S100Z: variants seen among roughly 807,000 people sequenced by gnomAD.
The protein encoded by S100Z is protein S100-Z.
S100Z carries 11 observed loss-of-function variants against 8.5 expected under a neutral mutation model. The observed-to-expected ratio is 1.30, with a 90% CI of 0.82 to 2.15. S100Z has a LOEUF of 2.15. Among genes scored for constraint, S100Z ranks in the 30% most tolerant of loss-of-function variants. The pLI is 0.00. For missense variants in S100Z, 126 were observed against 117.9 expected (o/e 1.07, Z -0.32); for synonymous variants, 34 against 43.8 (o/e 0.78, Z 0.89).
chr5:76,880,041 T>A (rs941586400), intron 4 of S100Z, among the ~76,000 whole-genome samples: 1 of 151,954 alleles, frequency 6.6e-6, no homozygotes, highest in Non-Finnish European at 1.5e-5. Flanking sequence ...TTCTTATAGG[T>A]TTTGGGATAG....
chr5:76,893,839 C>A (rs1390690887), intron 4 of S100Z, among the ~76,000 whole-genome samples: 1 of 152,168 alleles, frequency 6.6e-6, no homozygotes. Context: ...ACTAAGGGTG[C>A]ACCCTGGGTT....
the S100Z span, among the ~76,000 whole-genome samples, chr5:76,937,508 C>A: frequency 1.3e-5 from 2 of 151,950 alleles, no homozygotes; most frequent in Non-Finnish European, 2.9e-5. Flanking sequence ...ATAATCCCAG[C>A]ACTTTGGCAG....
intron 1 of S100Z, among the ~76,000 whole-genome samples, chr5:76,868,562 G>A (rs1444453440): frequency 1.3e-5 from 2 of 150,912 alleles, no homozygotes; most frequent in Non-Finnish European, 2.9e-5. Flanking sequence ...TGATTTTAGT[G>A]CATCTATAAC....
rs184989158 is a variant in S100Z, at chr5:76,916,780, A to G, written c.*3-3937A>G. On this transcript the variant is annotated intron_variant, in intron 4 of 4. Coordinates refer to ENST00000317593, the MANE Select transcript of S100Z (RefSeq NM_130772.4). ...ATATCAAAATTTGTAAGATACTGCT[A>G]AAGAAGTCTTGAGAGGCAAAGTTAT... Among the ~76,000 whole-genome samples, 861 of 152,332 alleles carry G rather than the reference A, an allele frequency of 5.7e-3. 2 individuals are homozygous for G. The highest frequency in any genetic ancestry group is 0.01 in the South Asian group (49 of 4,832).
intron 1 of S100Z, among the ~76,000 whole-genome samples, chr5:76,851,250 G>A (rs1263565251): frequency 1.3e-5 from 2 of 152,228 alleles, no homozygotes; most frequent in African/African-American, 4.8e-5. Context: ...GTGCAGAGGG[G>A]ATGGGTGGGC....
At chr5:76,862,523 G>T (rs1751089788) in intron 1 of S100Z, among the ~76,000 whole-genome samples, 1 of 152,046 alleles carries the variant, frequency 6.6e-6, no homozygotes, top group Admixed American at 6.6e-5. Context: ...GAGCCACCAG[G>T]TGCGGTGGCT....
the S100Z span, among the ~76,000 whole-genome samples, chr5:76,935,371 CATT>C: frequency 1.3e-5 from 2 of 152,190 alleles, no homozygotes; most frequent in Non-Finnish European, 2.9e-5. Context: ...TTTGACACAT[CATT>C]GAGATTAATT....
chr5:76,873,389 C>T (rs1743075967), intron 2 of S100Z, among the ~76,000 whole-genome samples: 1 of 150,454 alleles, frequency 6.6e-6, no homozygotes, highest in African/African-American at 2.5e-5. Context: ...CTCATTGCAA[C>T]CTCCACCTCC....
chr5:76,892,339 C>G (rs2150662151), intron 4 of S100Z, among the ~76,000 whole-genome samples: 1 of 152,256 alleles, frequency 6.6e-6, no homozygotes, highest in South Asian at 2.1e-4. Flanking sequence ...CTGCCAGCTG[C>G]TTGCCACAGG....
intron 4 of S100Z, among the ~76,000 whole-genome samples, chr5:76,910,052 T>A (rs1442411346): frequency 6.6e-6 from 1 of 152,188 alleles, no homozygotes; most frequent in Non-Finnish European, 1.5e-5. Flanking sequence ...ACTCAGATCA[T>A]GGGGACTGGA....
intron 4 of S100Z, among the ~76,000 whole-genome samples, chr5:76,894,275 C>T (rs1031231876): frequency 6.6e-6 from 1 of 152,198 alleles, no homozygotes; most frequent in African/African-American, 2.4e-5. Context: ...TTAAAATTTA[C>T]GGCTTTTCTG....
At chr5:76,947,657 A>T in the S100Z span, among the ~76,000 whole-genome samples, 3 of 152,212 alleles carry the variant, frequency 2.0e-5, no homozygotes, top group African/African-American at 7.2e-5. Context: ...GTACAGGCAT[A>T]AAGACAGACA....
chr5:76,906,315 T>C (rs559746134), intron 4 of S100Z, among the ~76,000 whole-genome samples: 1 of 152,338 alleles, frequency 6.6e-6, no homozygotes, highest in African/African-American at 2.4e-5. Flanking sequence ...TTGGCAATTT[T>C]CAAGTATGTA....
chr5:76,929,231 T>TAAAA, the S100Z span, among the ~76,000 whole-genome samples: 1 of 152,218 alleles, frequency 6.6e-6, no homozygotes, highest in Non-Finnish European at 1.5e-5. Context: ...CCTGGATTTT[T>TAAAA]ACATGGCAGA....
chr5:76,878,605 T>C (rs962531176), intron 4 of S100Z, among the ~76,000 whole-genome samples: 4 of 152,218 alleles, frequency 2.6e-5, no homozygotes, highest in Non-Finnish European at 4.4e-5. Context: ...GGTCTCCCTC[T>C]TGGGGAACCC....
intron 4 of S100Z, among the ~76,000 whole-genome samples, chr5:76,914,258 T>C (rs1283174838): frequency 6.6e-6 from 1 of 151,900 alleles, no homozygotes; most frequent in Non-Finnish European, 1.5e-5. Context: ...AGAGGGGGGA[T>C]TGAGAGGTGA....
chr5:76,900,731 G>A (rs1354513333), intron 4 of S100Z, among the ~76,000 whole-genome samples: 1 of 152,132 alleles, frequency 6.6e-6, no homozygotes, highest in Non-Finnish European at 1.5e-5. Context: ...TTTGTCCCTG[G>A]TGACTTATTT....
intron 4 of S100Z, among the ~76,000 whole-genome samples, chr5:76,910,360 C>T (rs1744606932): frequency 6.6e-6 from 1 of 152,096 alleles, no homozygotes; most frequent in African/African-American, 2.4e-5. Context: ...ACCTGGCAAC[C>T]TTGGTGTTCT....
chr5:76,933,813 A>G, the S100Z span, among the ~76,000 whole-genome samples: 1 of 152,192 alleles, frequency 6.6e-6, no homozygotes, highest in Non-Finnish European at 1.5e-5. Flanking sequence ...CTGTGGGACA[A>G]TCACCACCAC....
Sources: allele counts gnomAD v4.1 joint callset (sites outside exome capture counted in the v4.1 genomes callset), GRCh38; gene constraint gnomAD v4.1.1; transcripts MANE v1.5; gene names NCBI Gene and HGNC (gene_info 2026-07-23, HGNC 2026-07-21).